The following CNTNAP2 variants were observed in gnomAD, a reference collection of about 807,000 sequenced individuals.
The protein encoded by CNTNAP2 is contactin-associated protein-like 2.
CNTNAP2 carries 98 observed loss-of-function variants against 155.2 expected under a neutral mutation model. The ratio of observed to expected loss-of-function variants is 0.63; its 90% CI spans 0.54 to 0.75. The LOEUF (loss-of-function observed/expected upper bound fraction) is 0.75, where lower values mean the gene tolerates loss of function less well. Ranked by LOEUF, CNTNAP2 falls within the 30% of genes least tolerant of loss-of-function variation. The pLI is 0.00. For missense variants in CNTNAP2, 1,727 were observed against 1,688.1 expected (o/e 1.02, Z -0.40); for synonymous variants, 651 against 631.2 (o/e 1.03, Z -0.47).
intron 1 of CNTNAP2, among the ~76,000 whole-genome samples, chr7:146,163,525 A>ATATCTATATATG (rs201363811): frequency 1.4e-5 from 2 of 144,886 alleles, no homozygotes; most frequent in Non-Finnish European, 3.0e-5. Flanking sequence ...ATCTATATAT[A>ATATCTATATATG]TCTATATATA....
At chr7:146,795,709 G>A (rs757541984) in intron 2 of CNTNAP2, among the ~76,000 whole-genome samples, 1 of 152,124 alleles carries the variant, frequency 6.6e-6, no homozygotes, top group Non-Finnish European at 1.5e-5. Flanking sequence ...AGGGTTGTCC[G>A]CAGACAAAAT....
At chr7:146,794,918 G>A (rs577154580) in intron 2 of CNTNAP2, among the ~76,000 whole-genome samples, 5 of 152,228 alleles carry the variant, frequency 3.3e-5, no homozygotes, top group African/African-American at 1.2e-4. Context: ...ATTATGTACT[G>A]CCTTAAACAT....
At chr7:146,584,585 A>G (rs1798658778) in intron 1 of CNTNAP2, among the ~76,000 whole-genome samples, 2 of 152,176 alleles carry the variant, frequency 1.3e-5, no homozygotes, top group East Asian at 3.9e-4. Context: ...ACAGAAATCT[A>G]CATTCACATC....
intron 1 of CNTNAP2, among the ~76,000 whole-genome samples, chr7:146,611,808 A>C (rs930832716): frequency 6.6e-6 from 1 of 152,206 alleles, no homozygotes; most frequent in Non-Finnish European, 1.5e-5. Flanking sequence ...CCTTCAGACT[A>C]TCTTGATATT....
chr7:147,500,908 C>T (rs1798798674), intron 11 of CNTNAP2, among the ~76,000 whole-genome samples: 2 of 152,072 alleles, frequency 1.3e-5, no homozygotes, highest in South Asian at 2.1e-4. Context: ...TACCCTGATA[C>T]TGAATCCAGA....
intron 13 of CNTNAP2, among the ~76,000 whole-genome samples, chr7:147,663,022 C>T (rs1388666825): frequency 2.6e-5 from 4 of 151,870 alleles, no homozygotes; most frequent in East Asian, 1.9e-4. Flanking sequence ...TTTTTGAGAC[C>T]GAGTCTCGCT....
intron 1 of CNTNAP2, among the ~76,000 whole-genome samples, chr7:146,124,821 C>T (rs1797611806): frequency 6.6e-6 from 1 of 152,076 alleles, no homozygotes; most frequent in Non-Finnish European, 1.5e-5. Context: ...TCGATGCTGC[C>T]ATCAATACTA....
chr7:146,374,412 T>C (rs1384999281), intron 1 of CNTNAP2, among the ~76,000 whole-genome samples: 1 of 152,178 alleles, frequency 6.6e-6, no homozygotes, highest in Non-Finnish European at 1.5e-5. Context: ...GTTATCCTTA[T>C]ACTTACATAA....
At chr7:146,977,859 A>T (rs1453723678) in intron 3 of CNTNAP2, among the ~76,000 whole-genome samples, 1 of 152,216 alleles carries the variant, frequency 6.6e-6, no homozygotes, top group African/African-American at 2.4e-5. Context: ...ACATGGGTTG[A>T]TATGGAAGAG....
At chr7:148,169,523 T>C (rs1262276842) in intron 17 of CNTNAP2, among the ~76,000 whole-genome samples, 1 of 152,250 alleles carries the variant, frequency 6.6e-6, no homozygotes, top group East Asian at 1.9e-4. Context: ...GATTATATTA[T>C]TATAGTATCA....
Position 146,708,522 on chromosome 7 carries a change from T to C in CNTNAP2, c.98-65749T>C, listed in dbSNP as rs1261486743. Among the ~76,000 whole-genome samples the C allele has an allele frequency of 2.0e-5, 3 of 150,164 alleles. No individual in the cohort carries two copies. In the East Asian group the frequency reaches 5.9e-4, roughly 30 times the overall value. ...ATTAAAGTGCTATTTCCAGAACTTA[T>C]ATTTCTGTAATTAAAATGCCAGTTT... On this transcript the variant is annotated intron_variant, in intron 1 of 23. Coordinates refer to ENST00000361727, the MANE Select transcript of CNTNAP2 (RefSeq NM_014141.6).
At chr7:147,058,068 A>G (rs1282225833) in intron 4 of CNTNAP2, among the ~76,000 whole-genome samples, 1 of 152,162 alleles carries the variant, frequency 6.6e-6, no homozygotes, top group African/African-American at 2.4e-5. Context: ...AACATTTTCA[A>G]TCTAAGTGGT....
intron 15 of CNTNAP2, among the ~76,000 whole-genome samples, chr7:148,028,020 G>A (rs1047368718): frequency 2.0e-5 from 3 of 152,170 alleles, no homozygotes; most frequent in Non-Finnish European, 4.4e-5. Flanking sequence ...TTTTAAAAAT[G>A]TAGCATTCCT....
intron 13 of CNTNAP2, among the ~76,000 whole-genome samples, chr7:147,721,943 T>C (rs979532850): frequency 6.6e-6 from 1 of 152,192 alleles, no homozygotes; most frequent in Admixed American, 6.6e-5. Context: ...TACTAAACAC[T>C]GGAAATTATA....
At chr7:148,122,745 G>A (rs370591923) in intron 16 of CNTNAP2, among the ~76,000 whole-genome samples, 3 of 152,016 alleles carry the variant, frequency 2.0e-5, no homozygotes, top group Non-Finnish European at 1.5e-5. Context: ...TGCATAGAAA[G>A]AGAGGAAGAC....
At chr7:147,126,563 T>C (rs546338808) in intron 6 of CNTNAP2, among the ~76,000 whole-genome samples, 1 of 152,318 alleles carries the variant, frequency 6.6e-6, no homozygotes, top group East Asian at 1.9e-4. Context: ...AATCTCCGCC[T>C]CCTGGGTTCA....
chr7:146,491,334 T>A (rs1252329970), intron 1 of CNTNAP2, among the ~76,000 whole-genome samples: 1 of 151,932 alleles, frequency 6.6e-6, no homozygotes, highest in Non-Finnish European at 1.5e-5. Context: ...AACATAACAA[T>A]GCTCATGGGA....
intron 1 of CNTNAP2, among the ~76,000 whole-genome samples, chr7:146,648,504 T>C (rs566487038): frequency 2.0e-5 from 3 of 152,268 alleles, no homozygotes; most frequent in Admixed American, 2.0e-4. Flanking sequence ...GCAATACTTC[T>C]TTAAATGTTT....
intron 11 of CNTNAP2, among the ~76,000 whole-genome samples, chr7:147,521,050 A>G (rs1799221707): frequency 6.6e-6 from 1 of 152,198 alleles, no homozygotes. Flanking sequence ...CAGACACCTG[A>G]TCTCTGCCAC....
Sources: allele counts gnomAD v4.1 joint callset (sites outside exome capture counted in the v4.1 genomes callset), GRCh38; gene constraint gnomAD v4.1.1; transcripts MANE v1.5; gene names NCBI Gene and HGNC (gene_info 2026-07-23, HGNC 2026-07-21).